The following ITGBL1 variants were observed in gnomAD, a reference collection of about 807,000 sequenced individuals.
ITGBL1 encodes integrin subunit beta like 1.
ITGBL1 carries 51 observed loss-of-function variants against 68.5 expected under a neutral mutation model. The observed-to-expected ratio is 0.74, with a 90% confidence interval of 0.59 to 0.94. ITGBL1 has a LOEUF of 0.94. Ranked by LOEUF, ITGBL1 falls within the 40% of genes least tolerant of loss-of-function variation. The pLI, the probability that ITGBL1 is intolerant of heterozygous loss-of-function variation, is 0.00. For missense variants in ITGBL1, 649 were observed against 647.4 expected (o/e 1.00, Z -0.03); for synonymous variants, 209 against 227.3 (o/e 0.92, Z 0.72).
At chr13:101,671,422 C>CTTTTTTTTT (rs1190065334) in intron 7 of ITGBL1, among the ~76,000 whole-genome samples, 2 of 117,996 alleles carry the variant, frequency 1.7e-5, no homozygotes, top group Admixed American at 9.8e-5. Flanking sequence ...AAAAGTATAC[C>CTTTTTTTTT]TTTGTTTTTT....
rs200636533 is a variant in ITGBL1, at chr13:101,454,134, G to A, written c.316+34G>A. 3.2e-5 allele frequency: 47 copies of A among 1,460,706 alleles called. No individual in the cohort carries two copies. The East Asian group carries it at 1.3e-3, about 40-fold the overall frequency. The allele number at this position is 1,460,706 out of a possible 1,614,324, so 90.5% of individuals were successfully genotyped here. On this transcript the variant is annotated intron_variant, in intron 2 of 10. Transcript: ENST00000376180. ...GCGGCGCTGTCTCCTCCCTCGGGAGGTCGAAACTCCTCTTCTGGGATTTCT... is the reference window on the plus strand; with the variant it reads ...GCGGCGCTGTCTCCTCCCTCGGGAGATCGAAACTCCTCTTCTGGGATTTCT...
chr13:101,652,554 G>T (rs1191084586), intron 7 of ITGBL1, among the ~76,000 whole-genome samples: 1 of 152,138 alleles, frequency 6.6e-6, no homozygotes, highest in Non-Finnish European at 1.5e-5. Context: ...GTGATTTCAG[G>T]ACATTTTCAG....
chr13:101,634,504 T>C (rs899933926), intron 7 of ITGBL1, among the ~76,000 whole-genome samples: 16 of 152,264 alleles, frequency 1.1e-4, no homozygotes, highest in African/African-American at 3.1e-4. Context: ...CAAAGTAAGA[T>C]ACTTTTCCAG....
intron 2 of ITGBL1, among the ~76,000 whole-genome samples, chr13:101,560,233 TA>T (rs2050077432): frequency 6.6e-6 from 1 of 152,178 alleles, no homozygotes; most frequent in African/African-American, 2.4e-5. Context: ...CAAAAATGAC[TA>T]GAGAAAAATT....
chr13:101,560,060 G>A (rs1004278945), intron 2 of ITGBL1, among the ~76,000 whole-genome samples: 1 of 152,124 alleles, frequency 6.6e-6, no homozygotes, highest in Non-Finnish European at 1.5e-5. Flanking sequence ...GCAAGCCAGG[G>A]ACTGGTGCCC....
At chr13:101,716,725 T>C (rs2034737688), downstream of ITGBL1, 1 of 148,650 alleles carries the variant, frequency 6.7e-6, no homozygotes, top group South Asian at 2.1e-4. Context: ...CCTGGGGTCA[T>C]GCAAAGAAGT....
chr13:101,544,788 C>T (rs1410447570), intron 2 of ITGBL1, among the ~76,000 whole-genome samples: 3 of 152,162 alleles, frequency 2.0e-5, no homozygotes, highest in Admixed American at 6.5e-5. Context: ...TGCTGCCTTG[C>T]AGTTTGATCT....
At position 101,670,383 on chromosome 13, in the gene ITGBL1, A is replaced by G. The variant is rs895219961; in HGVS notation, c.1016-22202A>G. ...GGAGGTTCGTGTTTGTGTGTTTCTT[A>G]AACCTTTTGATGATGGGCCTAAGAA... On this transcript the variant is annotated intron_variant, in intron 7 of 10. Transcript: ENST00000376180. Among the ~76,000 whole-genome samples, 43 of 152,176 alleles carry G rather than the reference A, an allele frequency of 2.8e-4. 1 individual carries two copies. The highest frequency in any genetic ancestry group is 9.2e-4 in the African/African-American group (38 of 41,430).
chr13:101,708,994 G>A (rs2034327415), intron 9 of ITGBL1, among the ~76,000 whole-genome samples: 1 of 152,228 alleles, frequency 6.6e-6, no homozygotes, highest in South Asian at 2.1e-4. Context: ...AATTCAAGCT[G>A]TGTTGGGACA....
chr13:101,591,948 G>T (rs1309724377), intron 6 of ITGBL1, among the ~76,000 whole-genome samples: 1 of 152,178 alleles, frequency 6.6e-6, no homozygotes, highest in East Asian at 1.9e-4. Context: ...AAAACCAGTA[G>T]CTCCTTTTTA....
intron 7 of ITGBL1, among the ~76,000 whole-genome samples, chr13:101,633,824 T>G (rs1373555468): frequency 6.6e-6 from 1 of 152,168 alleles, no homozygotes; most frequent in African/African-American, 2.4e-5. Context: ...TGTCAGGTAT[T>G]GGGATAGGCT....
intron 2 of ITGBL1, among the ~76,000 whole-genome samples, chr13:101,545,688 A>C (rs1292294883): frequency 6.6e-6 from 1 of 152,174 alleles, no homozygotes; most frequent in African/African-American, 2.4e-5. Context: ...AACCAAGCTA[A>C]ATATAAACAA....
At chr13:101,601,580 T>C (rs2030385870) in intron 7 of ITGBL1, among the ~76,000 whole-genome samples, 1 of 152,230 alleles carries the variant, frequency 6.6e-6, no homozygotes, top group Non-Finnish European at 1.5e-5. Context: ...TTTAGTGCTA[T>C]AAATTTCCCT....
intron 8 of ITGBL1, among the ~76,000 whole-genome samples, chr13:101,702,402 T>C (rs1358176190): frequency 6.6e-6 from 1 of 152,192 alleles, no homozygotes; most frequent in African/African-American, 2.4e-5. Context: ...ATGACCAATT[T>C]AGTTTTATAT....
At chr13:101,624,808 C>G (rs2031713627) in intron 7 of ITGBL1, among the ~76,000 whole-genome samples, 1 of 152,174 alleles carries the variant, frequency 6.6e-6, no homozygotes, top group Non-Finnish European at 1.5e-5. Flanking sequence ...TGCAATGTTC[C>G]AAACTGCAGC....
intron 2 of ITGBL1, among the ~76,000 whole-genome samples, chr13:101,486,719 G>A (rs546318957): frequency 6.6e-6 from 1 of 152,130 alleles, no homozygotes; most frequent in South Asian, 2.1e-4. Context: ...GTCATGTTTA[G>A]TATTGTAAAT....
At chr13:101,590,199 T>C (rs1436445635) in intron 6 of ITGBL1, among the ~76,000 whole-genome samples, 1 of 152,192 alleles carries the variant, frequency 6.6e-6, no homozygotes, top group Non-Finnish European at 1.5e-5. Flanking sequence ...AAAAATCTCT[T>C]TTGAATAACT....
At chr13:101,529,575 T>G (rs1420094297) in intron 2 of ITGBL1, among the ~76,000 whole-genome samples, 2 of 152,216 alleles carry the variant, frequency 1.3e-5, no homozygotes, top group Non-Finnish European at 2.9e-5. Flanking sequence ...GCTACATAGT[T>G]CATGTGGTTT....
intron 2 of ITGBL1, among the ~76,000 whole-genome samples, chr13:101,476,392 CA>C (rs1192166592): frequency 6.6e-6 from 1 of 151,546 alleles, no homozygotes; most frequent in Non-Finnish European, 1.5e-5. Context: ...ATAATCTTCA[CA>C]AAAAGGAAGA....
Sources: gnomAD v4.1 joint callset for allele counts (sites outside exome capture counted in the v4.1 genomes callset) on GRCh38, gnomAD v4.1.1 for gene constraint, MANE v1.5 for transcripts, NCBI Gene and HGNC (gene_info 2026-07-23, HGNC 2026-07-21) for gene names.